The following FBXL7 variants were observed in gnomAD, a reference collection of about 807,000 sequenced individuals.
FBXL7 encodes the protein F-box and leucine rich repeat protein 7, also known as F-box/LRR-repeat protein 7.
FBXL7 carries 12 observed loss-of-function variants against 38.3 expected under a neutral mutation model. That is an observed-to-expected ratio of 0.31 (90% CI 0.20 to 0.51). FBXL7 has a LOEUF of 0.51. FBXL7 is among the 20% of genes least tolerant of loss of function. The pLI is 0.98. For missense variants in FBXL7, 567 were observed against 676.4 expected, an observed-to-expected ratio of 0.84 and a Z score of 1.79; for synonymous variants, 297 against 300.9, an observed-to-expected ratio of 0.99 and a Z score of 0.13.
rs767457969 is a variant in FBXL7 at position 15,928,384 on chromosome 5, G to A, written c.622G>A (p.Ala208Thr). 2.5e-6 allele frequency: 4 copies of A among 1,613,918 alleles called. No homozygotes were observed. Among genetic ancestry groups the A allele is most frequent in the Admixed American group, 3.3e-5 (2 of 60,008 alleles). Reference protein sequence around the residue: ...RLTDRGLYTIAQCCPELRRLE... With the variant: ...RLTDRGLYTITQCCPELRRLE... ...CACAGACCGAGGGCTGTACACCATC[G>A]CCCAGTGCTGCCCCGAACTGAGGCG... The change falls in exon 3 of 4, where the codon GCC becomes ACC. Residue 208 changes from alanine to threonine, a missense_variant. Physicochemically the swap from Ala to Thr is moderately conservative, Grantham distance 58. Coordinates refer to ENST00000504595, the MANE Select transcript of FBXL7 (RefSeq NM_012304.5). This position sits in a 1 kb window ranked among gnomAD's most constrained non-coding sequence, Gnocchi z 4.0.
At chr5:15,924,481 C>T (rs1389029339) in intron 2 of FBXL7, among the ~76,000 whole-genome samples, 1 of 152,068 alleles carries the variant, frequency 6.6e-6, no homozygotes, top group Non-Finnish European at 1.5e-5. Context: ...AAAAATCACC[C>T]CCAAACTCAG....
chr5:15,827,114 A>G (rs1205005845), intron 2 of FBXL7, among the ~76,000 whole-genome samples: 1 of 152,126 alleles, frequency 6.6e-6, no homozygotes, highest in Admixed American at 6.5e-5. Flanking sequence ...AGACATCCTT[A>G]TAGCCCCTTA....
At chr5:15,776,046 A>G (rs1248442148) in intron 2 of FBXL7, among the ~76,000 whole-genome samples, 1 of 152,136 alleles carries the variant, frequency 6.6e-6, no homozygotes, top group East Asian at 1.9e-4. Flanking sequence ...TTAATGCAAA[A>G]TGGGAACCAA....
intron 1 of FBXL7, among the ~76,000 whole-genome samples, chr5:15,582,546 C>T (rs1406465912): frequency 6.6e-6 from 1 of 152,232 alleles, no homozygotes; most frequent in Non-Finnish European, 1.5e-5. Context: ...CCAATGAGAG[C>T]ATCAGGACTT....
At chr5:15,667,536 C>T (rs1302582498) in intron 2 of FBXL7, among the ~76,000 whole-genome samples, 1 of 152,120 alleles carries the variant, frequency 6.6e-6, no homozygotes, top group Non-Finnish European at 1.5e-5. Context: ...GTGTAAATTT[C>T]ATTCAAATAC....
At position 15,854,028 on chromosome 5, in the gene FBXL7, C is replaced by A. The variant is rs192617233; in HGVS notation, c.128-73862C>A. ...AGGTCCTCTCTGCCAAGCCATTGGA[C>A]TAAAATATTCAGTAGAATAAAGTGG... is the stretch of plus-strand genomic sequence containing the variant. On this transcript the variant is annotated intron_variant, in intron 2 of 3. Coordinates refer to ENST00000504595, the MANE Select transcript of FBXL7 (RefSeq NM_012304.5). 2.4e-3 allele frequency among the ~76,000 whole-genome samples: 359 copies of A among 152,280 alleles called. 2 individuals are homozygous for A. The highest frequency in any genetic ancestry group is 8.3e-3 in the African/African-American group (345 of 41,564).
chr5:15,767,551 A>G (rs1463061533), intron 2 of FBXL7, among the ~76,000 whole-genome samples: 1 of 152,214 alleles, frequency 6.6e-6, no homozygotes, highest in Non-Finnish European at 1.5e-5. Context: ...AGAGGTAAGG[A>G]AAAGTGGAGA....
At chr5:15,629,194 G>A (rs1398179267) in intron 2 of FBXL7, among the ~76,000 whole-genome samples, 3 of 151,942 alleles carry the variant, frequency 2.0e-5, no homozygotes, top group African/African-American at 7.3e-5. Flanking sequence ...ACTGAGACAT[G>A]AGCTCAGGAG....
chr5:15,692,133 C>T (rs1327405490), intron 2 of FBXL7, among the ~76,000 whole-genome samples: 2 of 152,108 alleles, frequency 1.3e-5, no homozygotes, highest in Non-Finnish European at 2.9e-5. Flanking sequence ...CGATTGGAAT[C>T]CGGGGTCACT....
chr5:15,552,651 C>T (rs1438951953), intron 1 of FBXL7, among the ~76,000 whole-genome samples: 3 of 152,212 alleles, frequency 2.0e-5, no homozygotes, highest in Non-Finnish European at 4.4e-5. Context: ...CTGCCTGATC[C>T]ACCCATCTCC....
chr5:15,614,174 C>T (rs1025590320), intron 1 of FBXL7, among the ~76,000 whole-genome samples: 3 of 152,150 alleles, frequency 2.0e-5, no homozygotes, highest in Non-Finnish European at 4.4e-5. Context: ...AGCTGCACAT[C>T]AGAGTTTTGA....
chr5:15,756,955 G>T (rs1736314104), intron 2 of FBXL7, among the ~76,000 whole-genome samples: 1 of 152,154 alleles, frequency 6.6e-6, no homozygotes, highest in Non-Finnish European at 1.5e-5. Context: ...AAAAATCAGG[G>T]CCAATAGTTT....
At chr5:15,761,570 T>G (rs1173932566) in intron 2 of FBXL7, among the ~76,000 whole-genome samples, 1 of 152,200 alleles carries the variant, frequency 6.6e-6, no homozygotes, top group Non-Finnish European at 1.5e-5. Flanking sequence ...TGAAACAGGG[T>G]CTCACTCCGG....
intron 2 of FBXL7, among the ~76,000 whole-genome samples, chr5:15,808,555 T>G (rs1264903605): frequency 6.6e-6 from 1 of 152,126 alleles, no homozygotes. Flanking sequence ...CCTAGTAGAG[T>G]AAAAGACAGT....
At chr5:15,637,889 AG>A (rs1741236265) in intron 2 of FBXL7, among the ~76,000 whole-genome samples, 1 of 152,204 alleles carries the variant, frequency 6.6e-6, no homozygotes, top group Admixed American at 6.5e-5. Context: ...CAAATCAACA[AG>A]TGTGGACCAA....
intron 2 of FBXL7, among the ~76,000 whole-genome samples, chr5:15,833,085 T>C (rs1175803116): frequency 6.6e-6 from 1 of 152,206 alleles, no homozygotes; most frequent in African/African-American, 2.4e-5. Context: ...TCCCCAGCCA[T>C]GTGGAACTGT....
intron 2 of FBXL7, among the ~76,000 whole-genome samples, chr5:15,804,993 G>A (rs533244443): frequency 8.5e-6 from 1 of 117,626 alleles, no homozygotes; most frequent in Non-Finnish European, 2.1e-5. Context: ...AGCAGGGCTG[G>A]CCTATTCTGA....
chr5:15,515,486 CA>C (rs1736909698), intron 1 of FBXL7, among the ~76,000 whole-genome samples: 1 of 152,146 alleles, frequency 6.6e-6, no homozygotes, highest in Non-Finnish European at 1.5e-5. Context: ...TCCGTTTGCT[CA>C]ACTGGTGTGG....
chr5:15,666,313 T>A (rs965498614), intron 2 of FBXL7, among the ~76,000 whole-genome samples: 5 of 152,212 alleles, frequency 3.3e-5, no homozygotes, highest in Admixed American at 3.3e-4. Flanking sequence ...CTTAATTATG[T>A]TTAAGTGTGC....
Sources: gnomAD v4.1 joint callset for allele counts (sites outside exome capture counted in the v4.1 genomes callset) on GRCh38, gnomAD v4.1.1 for gene constraint, Gnocchi (gnomAD v3.1) non-coding constraint, MANE v1.5 for transcripts, NCBI Gene and HGNC (gene_info 2026-07-23, HGNC 2026-07-21) for gene names.